The following PHF8 variants were observed in gnomAD, a reference collection of about 807,000 sequenced individuals.
PHF8 encodes the protein PHD finger protein 8, also known as histone lysine demethylase PHF8.
Under a neutral mutation model 74.4 loss-of-function variants are expected in PHF8, and 9 were observed. The observed-to-expected ratio is 0.12, with a 90% CI of 0.07 to 0.21. The LOEUF (loss-of-function observed/expected upper bound fraction) is 0.21. Among genes scored for constraint, PHF8 ranks in the 10% least tolerant of loss-of-function variants. The pLI, the probability that PHF8 is intolerant of heterozygous loss-of-function variation, is 1.00. For missense variants in PHF8, 478 were observed against 816.6 expected (o/e 0.59, Z 5.05); for synonymous variants, 311 against 316.6 (o/e 0.98, Z 0.19).
chrX:54,024,132 G>A (rs1355612752), intron 2 of PHF8, among the ~76,000 whole-genome samples: 1 of 111,708 alleles, frequency 9.0e-6, no homozygotes, highest in Admixed American at 9.6e-5. Flanking sequence ...TATATAAAGT[G>A]CACAGCATGG....
At chrX:54,043,091 T>C in intron 1 of PHF8, 1 of 794,724 alleles carries the variant, frequency 1.3e-6, no homozygotes, top group Non-Finnish European at 1.6e-6. Context: ...ATAACTTCTT[T>C]CCGGGTTTCA....
chrX:53,997,450 T>C lies in PHF8; in HGVS notation c.1234-1668A>G, dbSNP rs2065765772. ...CCTTTAACTCTTTTCATCTATCTGG[T>C]GGAATTTATTTTGGTGGCTAGGCGG... On this transcript the variant is annotated intron_variant, in intron 11 of 21. Coordinates refer to ENST00000338154, the MANE Select transcript of PHF8 (RefSeq NM_015107.3). 3.6e-5 allele frequency among the ~76,000 whole-genome samples: 4 copies of C among 111,446 alleles called. 1 individual carries two copies. The Admixed American group carries it at 3.8e-4, about 11-fold the overall frequency.
chrX:54,004,323 A>C, intron 8 of PHF8, among the ~76,000 whole-genome samples: 1 of 104,312 alleles, frequency 9.6e-6, no homozygotes, highest in Non-Finnish European at 2.0e-5. Flanking sequence ...TGGGGGTGGG[A>C]GTTGGGTGGG....
chrX:53,979,766 C>CA (rs1338240053), intron 18 of PHF8, among the ~76,000 whole-genome samples: 11 of 110,472 alleles, frequency 1.0e-4, no homozygotes, highest in Admixed American at 2.9e-4. Flanking sequence ...GATTTTAAAA[C>CA]AAAAAAAAAT....
intron 18 of PHF8, among the ~76,000 whole-genome samples, chrX:53,963,281 A>C (rs782733203): frequency 8.9e-6 from 1 of 111,915 alleles, no homozygotes; most frequent in East Asian, 2.8e-4. Flanking sequence ...ATCATGATTG[A>C]GATGCCTCCT....
At chrX:54,006,091 T>C (rs958459280) in intron 8 of PHF8, among the ~76,000 whole-genome samples, 2 of 112,182 alleles carry the variant, frequency 1.8e-5, no homozygotes, top group Non-Finnish European at 3.8e-5. Context: ...AATCTCATAA[T>C]CAATGTATGA....
chrX:53,953,441 G>A (rs2064961257), intron 19 of PHF8, among the ~76,000 whole-genome samples: 1 of 109,781 alleles, frequency 9.1e-6, no homozygotes, highest in African/African-American at 3.3e-5. Context: ...AGGAGTTCGA[G>A]ACCAGCCTGG....
intron 2 of PHF8, among the ~76,000 whole-genome samples, chrX:54,038,303 G>A (rs1285292189): frequency 3.6e-5 from 4 of 112,263 alleles, no homozygotes; most frequent in African/African-American, 9.7e-5. Flanking sequence ...AATATAAAAA[G>A]AATGTTCATT....
At chrX:53,982,916 G>A (rs1557098464) in intron 18 of PHF8, among the ~76,000 whole-genome samples, 1 of 112,425 alleles carries the variant, frequency 8.9e-6, no homozygotes, top group Non-Finnish European at 1.9e-5. Flanking sequence ...AAAGATGGCT[G>A]GATGCAGTGG....
chrX:54,048,172 G>C (rs1004217458), upstream of PHF8, among the ~76,000 whole-genome samples: 16 of 86,973 alleles, frequency 1.8e-4, no homozygotes, highest in Non-Finnish European at 3.1e-4. Flanking sequence ...CTGGGCGACA[G>C]AGCAAGACTC....
intron 11 of PHF8, among the ~76,000 whole-genome samples, chrX:53,998,616 T>C (rs979480268): frequency 5.4e-5 from 6 of 111,559 alleles, no homozygotes; most frequent in African/African-American, 2.0e-4. Flanking sequence ...CCAGATCATA[T>C]ATCCAGGCAA....
chrX:54,020,671 AGAG>A (rs782496915), intron 4 of PHF8, among the ~76,000 whole-genome samples: 6 of 112,057 alleles, frequency 5.4e-5, no homozygotes, highest in African/African-American at 1.3e-4. Context: ...TCCAGAGTAG[AGAG>A]GAGAAGTTTC....
chrX:53,977,945 CTT>C (rs1319452833), intron 18 of PHF8, among the ~76,000 whole-genome samples: 7 of 89,885 alleles, frequency 7.8e-5, no homozygotes, highest in Admixed American at 1.3e-4. Flanking sequence ...TGCGCCCGGC[CTT>C]TTTTTTTTTT....
Position 54,042,515 on chromosome X carries a change from G to A in PHF8, c.98+116C>T. The A allele has an allele frequency of 4.9e-6, 3 of 610,361 alleles. No individual in the cohort carries two copies. The South Asian group carries it at 7.2e-5, about 15-fold the overall frequency. The allele number at this position is 610,361 out of a possible 1,213,427, so 50.3% of individuals were successfully genotyped here. On this transcript the variant is annotated intron_variant, in intron 2 of 21. Transcript: ENST00000338154. ...TCTGCAAGGAGAGATGGCAGAACCT[G>A]AGTCTGGGAGAGGGGGTCCTGAGCC...
chrX:54,042,770 T>C lies in PHF8; in HGVS notation c.-42A>G, dbSNP rs1201431283. 2.5e-6 allele frequency: 3 copies of C among 1,190,828 alleles called. No individual in the cohort carries two copies. Among genetic ancestry groups the C allele is most frequent in the Non-Finnish European group, 2.3e-6 (2 of 884,175 alleles). On this transcript the variant is annotated 5_prime_UTR_variant, in exon 2 of 22. Transcript: ENST00000338154. ...AGCGTTCTGCGGCCGGCCAGGTTCG[T>C]CGTGTCAAGAGGGGCGGGAGGCGGC...
chrX:54,022,122 G>A (rs1557110123), intron 4 of PHF8, 137 bp downstream of exon 4: 2 of 485,281 alleles, frequency 4.1e-6, no homozygotes, highest in Non-Finnish European at 7.3e-6. Flanking sequence ...AAACCAGAAG[G>A]AATTTGCAGA....
intron 18 of PHF8, among the ~76,000 whole-genome samples, chrX:53,965,076 G>A (rs907948620): frequency 4.5e-5 from 5 of 110,817 alleles, no homozygotes; most frequent in African/African-American, 1.6e-4. Flanking sequence ...CAAGTCTAAC[G>A]GAGCTTAAAG....
intron 19 of PHF8, among the ~76,000 whole-genome samples, chrX:53,959,779 G>A (rs191105176): frequency 4.0e-4 from 40 of 99,394 alleles, no homozygotes; most frequent in Non-Finnish European, 6.8e-4. Context: ...TATGAGAATC[G>A]TTTGAATCCA....
intron 2 of PHF8, among the ~76,000 whole-genome samples, chrX:54,034,191 T>C (rs895588398): frequency 6.3e-5 from 7 of 111,446 alleles, no homozygotes; most frequent in African/African-American, 2.0e-4. Context: ...CTCAGCAACC[T>C]ACAGGACTAC....
Sources: gnomAD v4.1 joint callset for allele counts (sites outside exome capture counted in the v4.1 genomes callset) on GRCh38, gnomAD v4.1.1 for gene constraint, MANE v1.5 for transcripts, NCBI Gene and HGNC (gene_info 2026-07-23, HGNC 2026-07-21) for gene names.